Variants in TCF12 observed in about 807,000 individuals in gnomAD.
The protein encoded by TCF12 is DNA-binding protein HTF4.
In TCF12, 45 loss-of-function variants were observed where a neutral mutation model predicts 86.0. That is an observed-to-expected ratio of 0.52 (90% CI 0.41 to 0.67). The LOEUF (loss-of-function observed/expected upper bound fraction) is 0.67. Among genes scored for constraint, TCF12 ranks in the 30% least tolerant of loss-of-function variants. The probability of loss-of-function intolerance (pLI) is 0.00; values close to 1 mark genes in which losing one functional copy is unlikely to be tolerated. For synonymous variants in TCF12, 330 were observed against 299.6 expected (o/e 1.10, Z -1.05); for missense variants, 881 against 859.9 (o/e 1.02, Z -0.31).
At chr15:57,077,624 G>A (rs1202909360) in intron 4 of TCF12, among the ~76,000 whole-genome samples, 2 of 150,440 alleles carry the variant, frequency 1.3e-5, no homozygotes, top group Non-Finnish European at 3.0e-5. Context: ...TAGAGACAGG[G>A]TTTCACCTTG....
At position 56,935,642 on chromosome 15, in the gene TCF12, C is replaced by T. The variant is rs1195672708; in HGVS notation, c.148+14544C>T. Among the ~76,000 whole-genome samples, 3 of 152,240 alleles carry T rather than the reference C, an allele frequency of 2.0e-5. No individual in the cohort carries two copies. In the East Asian group the frequency reaches 5.8e-4, roughly 29 times the overall value. ...CCTCACCGCCCTCCCACCCTTTTCC[C>T]TGAGTCCCCAAAGTCCAAGGTATCA... On this transcript the variant is annotated intron_variant, in intron 3 of 20. Coordinates refer to ENST00000333725, the MANE Select transcript of TCF12 (RefSeq NM_207037.2).
intron 3 of TCF12, among the ~76,000 whole-genome samples, chr15:56,959,817 A>G (rs1330342538): frequency 1.3e-5 from 2 of 152,186 alleles, no homozygotes. Context: ...TTGGTCATGT[A>G]TTGGTAATGG....
Position 57,243,375 on chromosome 15 carries a change from G to A in TCF12, c.1036-97G>A, listed in dbSNP as rs188608195. On this transcript the variant is annotated intron_variant, in intron 12 of 20. Transcript: ENST00000333725. The stretch of plus-strand genomic sequence containing the variant: ...ATTTTTTCACTCTGAAGTCTTAGGG[G>A]TGACAACTAGATTATAAAAATAACT... 6.9e-5 allele frequency: 72 copies of A among 1,048,862 alleles called. No individual in the cohort carries two copies. In the African/African-American group the frequency reaches 8.7e-4, roughly 13 times the overall value. 65.0% of individuals were successfully genotyped at this position (1,048,862 alleles called of 1,614,324 possible). A position where few individuals can be genotyped will look rare whatever the true frequency, so the allele number is the denominator to read the frequency against.
At chr15:57,219,435 A>G (rs2058476262) in intron 8 of TCF12, 9 of 1,513,498 alleles carry the variant, frequency 5.9e-6, no homozygotes, top group Non-Finnish European at 8.1e-6. Context: ...ATAGTACTGA[A>G]GACTTACTCC....
At chr15:56,953,882 T>C (rs2543676) in intron 3 of TCF12, among the ~76,000 whole-genome samples, 1,868 of 151,266 alleles carry the variant, frequency 0.012, 48 homozygotes, top group African/African-American at 0.043. Flanking sequence ...CTTGGCCTTT[T>C]TTTTTTTTTT....
At chr15:57,234,723 C>A (rs1343127849) in intron 12 of TCF12, among the ~76,000 whole-genome samples, 1 of 152,204 alleles carries the variant, frequency 6.6e-6, no homozygotes, top group East Asian at 1.9e-4. Flanking sequence ...ACATTAAAAT[C>A]TCCTCTTTCG....
At position 57,149,045 on chromosome 15, in the gene TCF12, A is replaced by C. The variant is rs2053566270; in HGVS notation, c.326-17357A>C. The stretch of plus-strand genomic sequence containing the variant: ...GGAGTGCTTTAAGATTTTTCAGTAT[A>C]AATTTTACTGTTAGTTAGCATATAG... On this transcript the variant is annotated intron_variant, in intron 5 of 20. Transcript: ENST00000333725. 2.0e-5 allele frequency among the ~76,000 whole-genome samples: 3 copies of C among 152,224 alleles called. No individual in the cohort carries two copies. In the South Asian group the frequency reaches 6.2e-4, roughly 31 times the overall value.
chr15:56,953,878 C>CT (rs1223090053), intron 3 of TCF12, among the ~76,000 whole-genome samples: 5,906 of 131,510 alleles, frequency 0.045, 181 homozygotes, highest in East Asian at 0.12. Context: ...GTTCCTTGGC[C>CT]TTTTTTTTTT....
intron 6 of TCF12, among the ~76,000 whole-genome samples, chr15:57,180,806 ATTTTTTTTTT>A (rs34557385): frequency 1.8e-4 from 15 of 82,128 alleles, no homozygotes; most frequent in Non-Finnish European, 2.6e-4. Flanking sequence ...GATGCTAATA[ATTTTTTTTTT>A]TTTTTTTTTT....
chr15:57,263,421 C>T (rs1045891886), intron 18 of TCF12, 147 bp downstream of exon 18: 1 of 766,588 alleles, frequency 1.3e-6, no homozygotes, highest in Non-Finnish European at 2.0e-6. Context: ...ATTTAATCAC[C>T]ACATCATCTC....
intron 3 of TCF12, among the ~76,000 whole-genome samples, chr15:57,022,934 C>G (rs2065586855): frequency 6.6e-6 from 1 of 152,108 alleles, no homozygotes; most frequent in Admixed American, 6.5e-5. Context: ...GAAAGGAGAA[C>G]AGGTTACTAT....
At chr15:57,056,116 G>GGGGGGTGT (rs367596955) in intron 3 of TCF12, among the ~76,000 whole-genome samples, 2 of 143,238 alleles carry the variant, frequency 1.4e-5, no homozygotes, top group Non-Finnish European at 3.0e-5. Flanking sequence ...TAGTTTTAGG[G>GGGGGGTGT]GTGTGTGTGT....
intron 8 of TCF12, among the ~76,000 whole-genome samples, chr15:57,207,285 T>C (rs1227588919): frequency 1.3e-5 from 2 of 152,194 alleles, no homozygotes; most frequent in Non-Finnish European, 2.9e-5. Flanking sequence ...AGAAAATTCA[T>C]TTTTTCAATG....
intron 18 of TCF12, among the ~76,000 whole-genome samples, chr15:57,268,609 C>T (rs2060978747): frequency 6.6e-6 from 1 of 152,046 alleles, no homozygotes; most frequent in Non-Finnish European, 1.5e-5. Context: ...GTAAAAATGT[C>T]TAATATTTTT....
chr15:57,047,864 A>G (rs2067336628), intron 3 of TCF12, among the ~76,000 whole-genome samples: 1 of 152,230 alleles, frequency 6.6e-6, no homozygotes. Context: ...CTTAGATGGT[A>G]TAGCTTACTA....
chr15:56,962,123 A>G (rs1423240240), intron 3 of TCF12, among the ~76,000 whole-genome samples: 3 of 132,236 alleles, frequency 2.3e-5, no homozygotes, highest in Non-Finnish European at 3.1e-5. Context: ...ACAGAGCGAG[A>G]CTCCGTCTCA....
chr15:57,011,758 C>T (rs2064845721), intron 3 of TCF12, among the ~76,000 whole-genome samples: 1 of 152,110 alleles, frequency 6.6e-6, no homozygotes, highest in Non-Finnish European at 1.5e-5. Context: ...CTCAAGAAAC[C>T]CCCAGTGCCT....
intron 4 of TCF12, among the ~76,000 whole-genome samples, chr15:57,074,492 A>G (rs574673623): frequency 6.6e-6 from 1 of 152,180 alleles, no homozygotes; most frequent in African/African-American, 2.4e-5. Flanking sequence ...AATGCCCAAC[A>G]AGAAGTTTGT....
At chr15:57,107,672 G>T (rs2050224332) in intron 5 of TCF12, among the ~76,000 whole-genome samples, 1 of 152,072 alleles carries the variant, frequency 6.6e-6, no homozygotes, top group Non-Finnish European at 1.5e-5. Context: ...GATCACTTGA[G>T]CTCAGAGTTC....
Sources: allele counts gnomAD v4.1 joint callset (sites outside exome capture counted in the v4.1 genomes callset), GRCh38; gene constraint gnomAD v4.1.1; transcripts MANE v1.5; gene names NCBI Gene and HGNC (gene_info 2026-07-23, HGNC 2026-07-21).